Variants in SART3 observed in about 807,000 individuals in gnomAD.
SART3 encodes the protein HIV-1 Tat-interacting protein of 110kDa.
A neutral mutation model predicts 122.3 loss-of-function variants in SART3; 44 were observed. That is an observed-to-expected ratio of 0.36 (90% CI 0.28 to 0.46). The LOEUF (loss-of-function observed/expected upper bound fraction) is 0.46, where lower values mean the gene tolerates loss of function less well. Among genes scored for constraint, SART3 ranks in the 20% least tolerant of loss-of-function variants. SART3 has a pLI of 1.00. For synonymous variants in SART3, 442 were observed against 454.0 expected, an observed-to-expected ratio of 0.97 and a Z score of 0.34; for missense variants, 1,101 against 1,229.0, an observed-to-expected ratio of 0.90 and a Z score of 1.56.
At position 108,561,150 on chromosome 12, in the gene SART3, G is replaced by C; in HGVS notation, c.5C>G (p.Ala2Gly). 1 of 1,613,094 alleles carries C rather than the reference G, an allele frequency of 6.2e-7. No homozygotes were observed. Among genetic ancestry groups the C allele is most frequent in the Non-Finnish European group, 8.5e-7 (1 of 1,179,110 alleles). ...TGAAGCCGAGGTTTCGGCCGCAGTC[G>C]CCATCTTGCGCTTCTAATGACTCTC... M[A>G]TAAETSASEP... The change falls in exon 1 of 19, where the codon GCG becomes GGG. Residue 2 changes from alanine to glycine, a missense_variant. Coordinates refer to ENST00000546815, the MANE Select transcript of SART3 (RefSeq NM_014706.4).
intron 15 of SART3, among the ~76,000 whole-genome samples, chr12:108,529,781 C>CAAT (rs1465165463): frequency 2.0e-5 from 3 of 151,446 alleles, no homozygotes; most frequent in African/African-American, 7.3e-5. Flanking sequence ...GGCCTGCCCC[C>CAAT]TTACAAGACT....
rs778216341 is a variant in SART3, at chr12:108,547,997, A to G, written c.440-6T>C. 2 of 1,611,398 alleles carry G rather than the reference A, an allele frequency of 1.2e-6. No homozygotes were observed. Among genetic ancestry groups the G allele is most frequent in the South Asian group, 2.2e-5 (2 of 91,066 alleles). On this transcript the variant is annotated splice_polypyrimidine_tract_variant and splice_region_variant and intron_variant, in intron 2 of 18. Coordinates refer to ENST00000546815, the MANE Select transcript of SART3 (RefSeq NM_014706.4). ...CAGCCACTCCAGCCAGAGCTCTACG[A>G]GACAAAAATACTTCCCGCATTAATA...
At position 108,538,055 on chromosome 12, in the gene SART3, A is replaced by C; in HGVS notation, c.1201+10T>G. On this transcript the variant is annotated intron_variant, in intron 8 of 18. Coordinates refer to ENST00000546815, the MANE Select transcript of SART3 (RefSeq NM_014706.4). ...ATAGCTTAGAAGTTCTCCCACAAAA[A>C]CATCCGCACCAGAAATTACTTGATG... 6.2e-7 allele frequency: 1 copy of C among 1,614,088 alleles called. No individual in the cohort carries two copies. The highest frequency in any genetic ancestry group is 8.5e-7 in the Non-Finnish European group (1 of 1,179,968).
rs536679058 is a variant in SART3, at chr12:108,560,548, G to C, written c.312+295C>G. 8 of 433,490 alleles carry C rather than the reference G, an allele frequency of 1.8e-5. No homozygotes were observed. The South Asian group carries it at 3.3e-4, about 18-fold the overall frequency. The allele number at this position is 433,490 out of a possible 1,614,324, so 26.9% of individuals were successfully genotyped here. On this transcript the variant is annotated intron_variant, in intron 1 of 18. Transcript: ENST00000546815. Reference sequence around the variant, plus strand: ...TCAAAGTACAAGGCCTGACTTGCAGGAAGTGTTATCTTGAGCAAGAAACTT... The same window carrying C: ...TCAAAGTACAAGGCCTGACTTGCAGCAAGTGTTATCTTGAGCAAGAAACTT...
chr12:108,549,341 G>T, intron 1 of SART3, 127 bp from the exon 2 acceptor site: 1 of 1,014,910 alleles, frequency 9.9e-7, no homozygotes, highest in South Asian at 1.3e-5. Context: ...GAAAACCACT[G>T]AAACAGCAAC....
chr12:108,547,061 C>G (rs895572231), intron 3 of SART3, among the ~76,000 whole-genome samples: 1 of 152,052 alleles, frequency 6.6e-6, no homozygotes, highest in African/African-American at 2.4e-5. Flanking sequence ...CTCAAGTGAT[C>G]CACCAGCCTT....
At chr12:108,525,888 C>G in intron 16 of SART3, 1 of 622,080 alleles carries the variant, frequency 1.6e-6, no homozygotes, top group Non-Finnish European at 2.8e-6. Context: ...AGCACAGTCC[C>G]TTGTCATTGC....
intron 15 of SART3, among the ~76,000 whole-genome samples, chr12:108,527,666 A>T (rs1358178454): frequency 6.6e-6 from 1 of 152,182 alleles, no homozygotes; most frequent in African/African-American, 2.4e-5. Context: ...AGCAAGGTCA[A>T]CTCAACGATG....
chr12:108,533,808 T>C (rs1328512337), intron 12 of SART3, among the ~76,000 whole-genome samples: 1 of 152,240 alleles, frequency 6.6e-6, no homozygotes. Context: ...TGTCGTAGAA[T>C]TGTGGCATCA....
chr12:108,546,886 C>T (rs1403507278), intron 3 of SART3, among the ~76,000 whole-genome samples: 1 of 152,118 alleles, frequency 6.6e-6, no homozygotes, highest in African/African-American at 2.4e-5. Context: ...GTAGCACAAC[C>T]TCAACTCGCT....
intron 12 of SART3, among the ~76,000 whole-genome samples, chr12:108,534,156 TATTA>T (rs1225674148): frequency 6.6e-6 from 1 of 152,194 alleles, no homozygotes; most frequent in Non-Finnish European, 1.5e-5. Context: ...TCAAAAAAGA[TATTA>T]ATGTTAGATA....
At position 108,523,441 on chromosome 12, in the gene SART3, TC is replaced by T; in HGVS notation, c.*15del. Reference sequence around the variant, plus strand: ...CCAGAGTGAAGTAAGGCATTTCCTGTCTCCCAGCGTCCCGTTCACTTTCTCA... The same window carrying T: ...CCAGAGTGAAGTAAGGCATTTCCTGTTCCCAGCGTCCCGTTCACTTTCTCA... On this transcript the variant is annotated 3_prime_UTR_variant, in exon 19 of 19. Coordinates refer to ENST00000546815, the MANE Select transcript of SART3 (RefSeq NM_014706.4). 6.2e-7 allele frequency: 1 copy of T among 1,611,846 alleles called. No homozygotes were observed.
chr12:108,527,313 A>T (rs1423704900), intron 15 of SART3, among the ~76,000 whole-genome samples: 1 of 152,054 alleles, frequency 6.6e-6, no homozygotes, highest in Non-Finnish European at 1.5e-5. Flanking sequence ...TCTGCTGCTC[A>T]CAGAAAATGC....
At chr12:108,543,190 T>A in intron 5 of SART3, 38 bp from the exon 6 acceptor site, 1 of 1,611,630 alleles carries the variant, frequency 6.2e-7, no homozygotes, top group Non-Finnish European at 8.5e-7. Context: ...GGTCTTGCCA[T>A]TGGGCTTTAT....
chr12:108,536,972 A>T lies in SART3; in HGVS notation c.1310-187T>A. On this transcript the variant is annotated intron_variant, in intron 9 of 18. Coordinates refer to ENST00000546815, the MANE Select transcript of SART3 (RefSeq NM_014706.4). ...GGAGAAAGAAATTTGAACAGAATAG[A>T]GCATGGACAGCGTGGTGAAAAAGGC... 3 of 622,640 alleles carry T rather than the reference A, an allele frequency of 4.8e-6. No homozygotes were observed. The South Asian group carries it at 5.4e-5, about 11-fold the overall frequency. 38.6% of individuals were successfully genotyped at this position (622,640 alleles called of 1,614,324 possible).
At chr12:108,556,661 C>G (rs1054294809) in intron 1 of SART3, among the ~76,000 whole-genome samples, 25 of 152,250 alleles carry the variant, frequency 1.6e-4, no homozygotes, top group Admixed American at 1.0e-3. Context: ...CATGAAAGAG[C>G]TGGGCTAAAG....
At chr12:108,537,389 T>G in intron 9 of SART3, 99 bp downstream of exon 9, 119 of 844,774 alleles carry the variant, frequency 1.4e-4, no homozygotes, top group Non-Finnish European at 2.0e-4. Flanking sequence ...GTCTACATCA[T>G]TTGCCCAATC....
intron 1 of SART3, among the ~76,000 whole-genome samples, chr12:108,553,120 C>T (rs1355714249): frequency 6.6e-6 from 1 of 152,088 alleles, no homozygotes; most frequent in Non-Finnish European, 1.5e-5. Flanking sequence ...AAATGGATAT[C>T]CACAGGCAAA....
chr12:108,538,022 TG>T, intron 8 of SART3, 42 bp downstream of exon 8: 1 of 1,613,454 alleles, frequency 6.2e-7, no homozygotes, highest in Non-Finnish European at 8.5e-7. Context: ...GTTTTTCACT[TG>T]GGACAAATAG....
Sources: gnomAD v4.1 joint callset for allele counts (sites outside exome capture counted in the v4.1 genomes callset) on GRCh38, gnomAD v4.1.1 for gene constraint, MANE v1.5 for transcripts, NCBI Gene and HGNC (gene_info 2026-07-23, HGNC 2026-07-21) for gene names.